SORCS2: variants seen among roughly 807,000 people sequenced by gnomAD.
The protein encoded by SORCS2 is VPS10 domain-containing receptor SorCS2.
A neutral mutation model predicts 141.6 loss-of-function variants in SORCS2; 100 were observed. The observed-to-expected ratio is 0.71, with a 90% CI of 0.60 to 0.83. The LOEUF (loss-of-function observed/expected upper bound fraction) is 0.83. Ranked by LOEUF, SORCS2 falls within the 40% of genes least tolerant of loss-of-function variation. SORCS2 has a pLI of 0.00. For synonymous variants in SORCS2, 789 were observed against 676.9 expected (o/e 1.17, Z -2.57); for missense variants, 1,646 against 1,560.2 (o/e 1.05, Z -0.93).
Position 7,661,518 on chromosome 4 carries a change from C to A in SORCS2, c.906C>A (p.Asp302Glu). ...DHVFWSVSGV[D>E]ADPDLVHVEA... is the part of the protein sequence containing the mutation. ...TTTCCAGGTCTGTGTCTGGGGTGGA[C>A]GCTGACCCTGACTTGGTCCACGTGG... is the stretch of plus-strand genomic sequence containing the variant. Residue 302 changes from aspartate (D) to glutamate (E), a missense_variant, in exon 6 of 27, where the codon GAC (aspartate) becomes GAA (glutamate). Transcript: ENST00000507866. 2 of 1,551,750 alleles carry A rather than the reference C, an allele frequency of 1.3e-6. No homozygotes were observed. Among genetic ancestry groups the A allele is most frequent in the South Asian group, 2.4e-5 (2 of 84,040 alleles).
chr4:7,740,937 C>T lies in SORCS2; in HGVS notation c.*673C>T, dbSNP rs1041083302. ...AGTTCCGTACTCGGGAGCCCCTTTC[C>T]CTGAGTGCCCAGGGTGTCTCCTCTG... On this transcript the variant is annotated 3_prime_UTR_variant, in exon 27 of 27. Transcript: ENST00000507866. The T allele has an allele frequency of 1.0e-5, 4 of 398,036 alleles. No individual in the cohort carries two copies. The highest frequency in any genetic ancestry group is 8.2e-5 in the African/African-American group (4 of 48,618). The allele number at this position is 398,036 out of a possible 1,614,324, so 24.7% of individuals were successfully genotyped here.
At chr4:7,576,447 A>G (rs576117341) in intron 3 of SORCS2, among the ~76,000 whole-genome samples, 1 of 152,354 alleles carries the variant, frequency 6.6e-6, no homozygotes, top group South Asian at 2.1e-4. Context: ...AAAGCAAGTC[A>G]CAACAGCCAT....
chr4:7,626,622 C>T (rs73218621), intron 3 of SORCS2, among the ~76,000 whole-genome samples: 1,812 of 152,290 alleles, frequency 0.012, 13 homozygotes, highest in Middle Eastern at 0.017. Context: ...TATTTATGTA[C>T]GAATGCATGT....
chr4:7,705,806 C>T (rs538231120), intron 14 of SORCS2, among the ~76,000 whole-genome samples: 89 of 152,374 alleles, frequency 5.8e-4, no homozygotes, highest in African/African-American at 2.0e-3. Context: ...CCCAGAGGGG[C>T]CCACGTGGAT....
intron 21 of SORCS2, 96 bp downstream of exon 21, chr4:7,726,999 G>T: frequency 9.0e-6 from 13 of 1,451,220 alleles, no homozygotes; most frequent in Non-Finnish European, 1.2e-5. Flanking sequence ...TGGATGTCCT[G>T]GTCACCCTGA....
At chr4:7,646,491 A>G (rs1397291034) in intron 4 of SORCS2, among the ~76,000 whole-genome samples, 11 of 152,306 alleles carry the variant, frequency 7.2e-5, no homozygotes, top group African/African-American at 2.6e-4. Context: ...AGATCAGGAC[A>G]CAGACAGAGG....
intron 4 of SORCS2, among the ~76,000 whole-genome samples, chr4:7,653,761 G>T (rs988791505): frequency 6.6e-6 from 1 of 152,152 alleles, no homozygotes; most frequent in Non-Finnish European, 1.5e-5. Flanking sequence ...TCTGCCATCC[G>T]TTCACTGCTC....
chr4:7,737,208 A>G, intron 26 of SORCS2, 36 bp downstream of exon 26: 1 of 1,549,242 alleles, frequency 6.5e-7, no homozygotes, highest in East Asian at 2.4e-5. Flanking sequence ...CGACTCGCAG[A>G]CTCTAGGTAA....
chr4:7,468,171 G>C (rs999165097), intron 2 of SORCS2, among the ~76,000 whole-genome samples: 2 of 152,194 alleles, frequency 1.3e-5, no homozygotes, highest in Admixed American at 6.5e-5. Flanking sequence ...GGTTCTCCTT[G>C]TTCCCCCTAA....
At chr4:7,545,638 C>T (rs71601860) in intron 3 of SORCS2, among the ~76,000 whole-genome samples, 2 of 152,072 alleles carry the variant, frequency 1.3e-5, no homozygotes, top group Admixed American at 6.5e-5. Flanking sequence ...TTTGGACCCA[C>T]GACTCTCTGA....
At chr4:7,270,936 T>C (rs1329094341) in intron 1 of SORCS2, among the ~76,000 whole-genome samples, 2 of 152,242 alleles carry the variant, frequency 1.3e-5, no homozygotes, top group African/African-American at 4.8e-5. Context: ...CTTGTTCGTT[T>C]GTTGGTTCAT....
chr4:7,724,124 G>GTGGTGATGGTGGTGA (rs1726806837), intron 19 of SORCS2, among the ~76,000 whole-genome samples: 2 of 139,614 alleles, frequency 1.4e-5, no homozygotes, highest in Non-Finnish European at 1.5e-5. Flanking sequence ...GATGGTGGTG[G>GTGGTGATGGTGGTGA]TGGTGGTGGT....
chr4:7,661,667 C>T, intron 6 of SORCS2, 103 bp downstream of exon 6: 1 of 1,065,544 alleles, frequency 9.4e-7, no homozygotes, highest in Non-Finnish European at 1.4e-6. Context: ...ATGGCTGGCC[C>T]TACACAGCCG....
At chr4:7,738,253 C>T (rs574987544) in intron 26 of SORCS2, among the ~76,000 whole-genome samples, 5 of 152,364 alleles carry the variant, frequency 3.3e-5, no homozygotes, top group Admixed American at 3.3e-4. Flanking sequence ...CTGCCAGGGC[C>T]GTGGCACCAG....
intron 13 of SORCS2, among the ~76,000 whole-genome samples, chr4:7,703,872 C>T (rs1450339442): frequency 2.6e-5 from 4 of 152,220 alleles, no homozygotes; most frequent in East Asian, 1.9e-4. Context: ...ACTACAATAC[C>T]GGCCCTACCA....
chr4:7,277,189 C>G (rs1056917049), intron 1 of SORCS2, among the ~76,000 whole-genome samples: 4 of 152,130 alleles, frequency 2.6e-5, no homozygotes, highest in Non-Finnish European at 4.4e-5. Flanking sequence ...TGTAAACTTT[C>G]CTGCTGTGAG....
chr4:7,399,060 T>C (rs186736619), intron 2 of SORCS2, among the ~76,000 whole-genome samples: 1,341 of 96,906 alleles, frequency 0.014, 9 homozygotes, highest in Non-Finnish European at 0.026. Flanking sequence ...TTTAATTTGC[T>C]TTTTTTTTGT....
At chr4:7,319,038 C>G (rs1718738607) in intron 1 of SORCS2, among the ~76,000 whole-genome samples, 1 of 152,184 alleles carries the variant, frequency 6.6e-6, no homozygotes, top group South Asian at 2.1e-4. Context: ...ATTTGCAATT[C>G]ATCCATGTTG....
chr4:7,678,034 C>T (rs1723277949), intron 9 of SORCS2, among the ~76,000 whole-genome samples: 1 of 152,204 alleles, frequency 6.6e-6, no homozygotes, highest in Non-Finnish European at 1.5e-5. Flanking sequence ...ATGCCTGCAC[C>T]ACCGCATGCC....
Sources: allele counts gnomAD v4.1 joint callset (sites outside exome capture counted in the v4.1 genomes callset), GRCh38; gene constraint gnomAD v4.1.1; transcripts MANE v1.5; gene names NCBI Gene and HGNC (gene_info 2026-07-23, HGNC 2026-07-21).